Variants in SEPTIN9 observed in about 807,000 individuals in gnomAD.
SEPTIN9 encodes the protein septin-9.
A neutral mutation model predicts 56.6 loss-of-function variants in SEPTIN9; 13 were observed. That is an observed-to-expected ratio of 0.23 (90% CI 0.15 to 0.37). The LOEUF (loss-of-function observed/expected upper bound fraction) is 0.37. SEPTIN9 is among the 10% of genes least tolerant of loss of function. The pLI is 1.00. For missense variants in SEPTIN9, 650 were observed against 823.1 expected (o/e 0.79, Z 2.57); for synonymous variants, 332 against 334.1 (o/e 0.99, Z 0.07).
chr17:77,420,294 C>G (rs2036653031), intron 3 of SEPTIN9, among the ~76,000 whole-genome samples: 1 of 152,206 alleles, frequency 6.6e-6, no homozygotes, highest in South Asian at 2.1e-4. Context: ...AAGCTCAGCT[C>G]CCCATGTTCA....
chr17:77,396,059 C>CTT (rs1159402558), intron 2 of SEPTIN9, among the ~76,000 whole-genome samples: 13 of 152,034 alleles, frequency 8.6e-5, no homozygotes, highest in Non-Finnish European at 1.9e-4. Context: ...TGGGAGCTTG[C>CTT]GAGATTGGAG....
chr17:77,456,813 C>T lies in SEPTIN9; in HGVS notation c.722-25331C>T, dbSNP rs896943365. Among the ~76,000 whole-genome samples, 1 of 151,764 alleles carries T rather than the reference C, an allele frequency of 6.6e-6. No individual in the cohort carries two copies. Among genetic ancestry groups the T allele is most frequent in the Non-Finnish European group, 1.5e-5 (1 of 67,926 alleles). On this transcript the variant is annotated intron_variant, in intron 3 of 11. Coordinates refer to ENST00000427177, the MANE Select transcript of SEPTIN9 (RefSeq NM_001113491.2). This position sits in a 1 kb window ranked among gnomAD's most constrained non-coding sequence, Gnocchi z 6.0. ...CAGGTCTCAGGGACCAGCGCTGGGT[C>T]CCCACAGCCAAGGACAAGTCCCCAC... is the stretch of plus-strand genomic sequence containing the variant.
At chr17:77,404,994 G>A (rs754761499) in intron 3 of SEPTIN9, 77 of 1,266,466 alleles carry the variant, frequency 6.1e-5, no homozygotes, top group Non-Finnish European at 7.5e-5. Flanking sequence ...TGACGTGCCG[G>A]ATACACCCCC....
chr17:77,378,470 A>T (rs1226735242), intron 2 of SEPTIN9, among the ~76,000 whole-genome samples: 1 of 152,110 alleles, frequency 6.6e-6, no homozygotes, highest in Non-Finnish European at 1.5e-5. Flanking sequence ...CCTGCCTCCT[A>T]CGGGTGTGGT....
chr17:77,355,575 T>A (rs2034202987), intron 2 of SEPTIN9, among the ~76,000 whole-genome samples: 1 of 152,110 alleles, frequency 6.6e-6, no homozygotes, highest in South Asian at 2.1e-4. Flanking sequence ...GTGCATCAGA[T>A]GCTCCTGCTT....
rs1568019247 is a variant in SEPTIN9, at chr17:77,371,376, G to A, written c.77-30683G>A. ...TGCACTGTGCGTGGAGATGGAGAAT[G>A]TACAATTGGCTGACCCTGTGCTAAT... On this transcript the variant is annotated intron_variant, in intron 2 of 11. Transcript: ENST00000427177. This position sits in a 1 kb window ranked among gnomAD's most constrained non-coding sequence, Gnocchi z 4.1. 2.6e-5 allele frequency among the ~76,000 whole-genome samples: 4 copies of A among 152,344 alleles called. No individual in the cohort carries two copies. The South Asian group carries it at 8.3e-4, about 32-fold the overall frequency.
intron 3 of SEPTIN9, among the ~76,000 whole-genome samples, chr17:77,461,599 G>T (rs575515269): frequency 7.9e-5 from 12 of 152,362 alleles, no homozygotes; most frequent in Middle Eastern, 6.8e-3. Flanking sequence ...TATGGAGATA[G>T]AATTCACATA....
intron 2 of SEPTIN9, among the ~76,000 whole-genome samples, chr17:77,331,482 A>C (rs1394169170): frequency 1.3e-5 from 2 of 152,188 alleles, no homozygotes; most frequent in Admixed American, 6.5e-5. Flanking sequence ...CCCGTGCACC[A>C]GTGCCCCGAG....
At chr17:77,489,083 G>T (rs1222854235) in intron 7 of SEPTIN9, among the ~76,000 whole-genome samples, 4 of 152,204 alleles carry the variant, frequency 2.6e-5, no homozygotes, top group Non-Finnish European at 5.9e-5. Context: ...CCATCCTTCA[G>T]CTGCGTCTTG....
In SEPTIN9 at chr17:77,433,517, G is replaced by A. The variant is rs1389735849; in HGVS notation, c.721+30814G>A. Among the ~76,000 whole-genome samples, 3 of 152,080 alleles carry A rather than the reference G, an allele frequency of 2.0e-5. No individual in the cohort carries two copies. Among genetic ancestry groups the A allele is most frequent in the African/African-American group, 4.8e-5 (2 of 41,392 alleles). ...GCCTGTGACGGCCAAAAGGGATGGCGCCCCAGCCACGTTCCCACCCACCCC... is the reference window on the plus strand; with the variant it reads ...GCCTGTGACGGCCAAAAGGGATGGCACCCCAGCCACGTTCCCACCCACCCC... On this transcript the variant is annotated intron_variant, in intron 3 of 11. Coordinates refer to ENST00000427177, the MANE Select transcript of SEPTIN9 (RefSeq NM_001113491.2). The surrounding 1 kb of genome is among the most constrained non-coding windows in gnomAD (Gnocchi z 6.4).
intron 3 of SEPTIN9, among the ~76,000 whole-genome samples, chr17:77,459,270 A>G (rs1259065369): frequency 6.6e-6 from 1 of 152,174 alleles, no homozygotes; most frequent in Non-Finnish European, 1.5e-5. Context: ...GTTGACCTGA[A>G]CTGCCTGGTG....
intron 2 of SEPTIN9, among the ~76,000 whole-genome samples, chr17:77,340,818 A>G (rs980799936): frequency 1.3e-5 from 2 of 152,248 alleles, no homozygotes; most frequent in Non-Finnish European, 2.9e-5. Flanking sequence ...CTTCTCCATC[A>G]GCACCTGCTG....
chr17:77,281,646 C>T (rs890646019), intron 1 of SEPTIN9, 92 bp downstream of exon 1: 1 of 1,297,242 alleles, frequency 7.7e-7, no homozygotes, highest in Admixed American at 2.3e-5. Context: ...CGAGGCGCCC[C>T]CGGAGCTGAG....
intron 3 of SEPTIN9, among the ~76,000 whole-genome samples, chr17:77,462,649 G>GT (rs927368118): frequency 6.6e-6 from 1 of 151,704 alleles, no homozygotes; most frequent in African/African-American, 2.4e-5. Context: ...GTTTTGAGCA[G>GT]TTTTTTTGTT....
At chr17:77,364,254 G>C (rs945681257) in intron 2 of SEPTIN9, among the ~76,000 whole-genome samples, 3 of 152,262 alleles carry the variant, frequency 2.0e-5, no homozygotes, top group Non-Finnish European at 2.9e-5. Context: ...GGCCAAGAGC[G>C]CGAGCCGAGG....
intron 10 of SEPTIN9, chr17:77,493,375 C>T: frequency 2.2e-6 from 1 of 450,892 alleles, no homozygotes; most frequent in Non-Finnish European, 4.1e-6. Context: ...TCATAGGCAC[C>T]TGTGTGGCCC....
At chr17:77,416,506 CA>C (rs2144186646) in intron 3 of SEPTIN9, among the ~76,000 whole-genome samples, 1 of 152,336 alleles carries the variant, frequency 6.6e-6, no homozygotes, top group East Asian at 1.9e-4. Context: ...ATGCCGGCAG[CA>C]GGCAGGGAGA....
intron 3 of SEPTIN9, among the ~76,000 whole-genome samples, chr17:77,413,975 CTTTT>C (rs1172094724): frequency 9.9e-6 from 1 of 101,088 alleles, no homozygotes; most frequent in Non-Finnish European, 2.1e-5. Context: ...CTCTTTTTTT[CTTTT>C]TGTTTGTTTG....
intron 2 of SEPTIN9, among the ~76,000 whole-genome samples, chr17:77,332,084 C>T (rs56379000): frequency 0.012 from 1,766 of 151,866 alleles, 30 homozygotes; most frequent in African/African-American, 0.039. Context: ...AAGACCAGCC[C>T]GGGCAATATA....
Sources: allele counts gnomAD v4.1 joint callset (sites outside exome capture counted in the v4.1 genomes callset), GRCh38; gene constraint gnomAD v4.1.1; non-coding constraint Gnocchi (gnomAD v3.1); transcripts MANE v1.5; gene names NCBI Gene and HGNC (gene_info 2026-07-23, HGNC 2026-07-21).